SLC45A1: variants seen among roughly 807,000 people sequenced by gnomAD.
The protein encoded by SLC45A1 is solute carrier family 45 member 1.
SLC45A1 carries 28 observed loss-of-function variants against 57.6 expected under a neutral mutation model. The ratio of observed to expected loss-of-function variants is 0.49; its 90% CI spans 0.36 to 0.67. The LOEUF (loss-of-function observed/expected upper bound fraction) is 0.67. SLC45A1 is among the 30% of genes least tolerant of loss of function. SLC45A1 has a pLI of 0.00. For missense variants in SLC45A1, 814 were observed against 1,041.5 expected (o/e 0.78, Z 3.01); for synonymous variants, 459 against 471.5 (o/e 0.97, Z 0.34).
chr1:8,340,520 C>A (rs1640776931), intron 8 of SLC45A1, among the ~76,000 whole-genome samples: 1 of 152,204 alleles, frequency 6.6e-6, no homozygotes, highest in Non-Finnish European at 1.5e-5. Flanking sequence ...TGATAGCCAG[C>A]TCAGCTCCTG....
In SLC45A1 at chr1:8,325,863, G is replaced by A. The variant is rs769728647; in HGVS notation, c.536G>A (p.Gly179Asp). ...CTCTTGCTGAATGGCCGGGACATTG[G>A]CATCGCCCTGGCTGACGTGACCGGG... ...LSLLLNGRDI[G>D]IALADVTGNH... Residue 179 changes from glycine to aspartate, a missense_variant, in exon 4 of 9, where the codon GGC becomes GAC. Transcript: ENST00000471889. This position sits in a 1 kb window ranked among gnomAD's most constrained non-coding sequence, Gnocchi z 6.3. The A allele has an allele frequency of 1.3e-5, 21 of 1,613,946 alleles. No individual in the cohort carries two copies. The highest frequency in any genetic ancestry group is 1.8e-5 in the Non-Finnish European group (21 of 1,180,036).
rs572550422 is a variant in SLC45A1 at position 8,338,081 on chromosome 1, C to T, written c.1774+89C>T. 75 of 1,209,680 alleles carry T rather than the reference C, an allele frequency of 6.2e-5. No individual in the cohort carries two copies. In the Middle Eastern group the frequency reaches 1.1e-3, roughly 17 times the overall value. The allele number at this position is 1,209,680 out of a possible 1,614,324, so 74.9% of individuals were successfully genotyped here. On this transcript the variant is annotated intron_variant, in intron 7 of 8. Transcript: ENST00000471889. Reference sequence around the variant, plus strand: ...AAATGAAGGCAGGTTCATGGCCTTACGATTGCAGACACCACATCCCAATTT... The same window carrying T: ...AAATGAAGGCAGGTTCATGGCCTTATGATTGCAGACACCACATCCCAATTT...
At chr1:8,341,739 A>T (rs1640824964) in intron 8 of SLC45A1, among the ~76,000 whole-genome samples, 1 of 151,002 alleles carries the variant, frequency 6.6e-6, no homozygotes, top group Non-Finnish European at 1.5e-5. Context: ...CCTGGCCAAC[A>T]TGACGAAACC....
At chr1:8,320,640 T>G (rs1639975256) in intron 1 of SLC45A1, among the ~76,000 whole-genome samples, 1 of 150,854 alleles carries the variant, frequency 6.6e-6, no homozygotes, top group Admixed American at 6.6e-5. Flanking sequence ...AGACTCTGTC[T>G]GTCTGTCTGT....
chr1:8,334,017 C>A (rs879794406), intron 5 of SLC45A1, among the ~76,000 whole-genome samples: 3 of 152,204 alleles, frequency 2.0e-5, no homozygotes, highest in Non-Finnish European at 4.4e-5. Flanking sequence ...TTGAGGGCAC[C>A]GTCAGCCTCA....
At position 8,339,629 on chromosome 1, in the gene SLC45A1, C is replaced by A. The variant is rs371019543; in HGVS notation, c.1911C>A (p.Tyr637Ter). The A allele has an allele frequency of 1.2e-6, 2 of 1,614,250 alleles. No homozygotes were observed. The highest frequency in any genetic ancestry group is 2.7e-5 in the African/African-American group (2 of 75,062). Residue 637 changes from tyrosine (Y) to a stop codon, truncating the protein, a stop_gained, in exon 8 of 9, where the codon TAC becomes TAA. Coordinates refer to ENST00000471889, the MANE Select transcript of SLC45A1 (RefSeq NM_001080397.3). LOFTEE classifies it high-confidence loss of function. Reference protein sequence around the residue: ...LYVVLSLCITYGILFSTLCTL... With the variant: ...LYVVLSLCIT Reference sequence around the variant, plus strand: ...TGGTCCTGTCGCTCTGCATAACCTACGGGATTTTATTTTCCACCCTGTGCA... The same window carrying A: ...TGGTCCTGTCGCTCTGCATAACCTAAGGGATTTTATTTTCCACCCTGTGCA...
At position 8,335,493 on chromosome 1, in the gene SLC45A1, C is replaced by T. The variant is rs775328773; in HGVS notation, c.1500C>T (p.Ser500=). The T allele has an allele frequency of 1.9e-5, 31 of 1,602,412 alleles. No individual in the cohort carries two copies. The highest frequency in any genetic ancestry group is 1.7e-4 in the Middle Eastern group (1 of 6,054). Residue 500 remains serine, a synonymous_variant, in exon 6 of 9, where the codon AGC becomes AGT. Coordinates refer to ENST00000471889, the MANE Select transcript of SLC45A1 (RefSeq NM_001080397.3). This position sits in a 1 kb window ranked among gnomAD's most constrained non-coding sequence, Gnocchi z 4.1. ...ATGAGAGCGAGCTGACGGGCTCCAG[C>T]GAGCGCGCGGAGCAGCCTCTGTCCG... The part of the protein sequence containing the change: ...VKYESELTGS[S]ERAEQPLSVG...
intron 7 of SLC45A1, among the ~76,000 whole-genome samples, chr1:8,338,644 C>A (rs934404441): frequency 6.6e-6 from 1 of 152,226 alleles, no homozygotes; most frequent in Non-Finnish European, 1.5e-5. Flanking sequence ...AGCCCCTCAC[C>A]GAAAGCCACA....
chr1:8,324,518 C>A lies in SLC45A1; in HGVS notation c.189C>A (p.Pro63=). The part of the protein sequence containing the change: ...RKCIRPSPPP[P]PNTPCPLELV... Reference sequence around the variant, plus strand: ...GCATTCGTCCCTCCCCACCCCCGCCCCCCAACACCCCGTGCCCGCTTGAGC... The same window carrying A: ...GCATTCGTCCCTCCCCACCCCCGCCACCCAACACCCCGTGCCCGCTTGAGC... Residue 63 remains proline (P), a synonymous_variant, in exon 2 of 9, where the codon CCC becomes CCA. Coordinates refer to ENST00000471889, the MANE Select transcript of SLC45A1 (RefSeq NM_001080397.3). 6.2e-7 allele frequency: 1 copy of A among 1,612,028 alleles called. No homozygotes were observed. The highest frequency in any genetic ancestry group is 8.5e-7 in the Non-Finnish European group (1 of 1,179,490).
intron 6 of SLC45A1, among the ~76,000 whole-genome samples, chr1:8,337,047 T>TCA (rs1273754073): frequency 6.6e-6 from 1 of 152,214 alleles, no homozygotes. Flanking sequence ...TAGTCTGTTC[T>TCA]CACGCTGCTA....
chr1:8,326,030 G>A lies in SLC45A1; in HGVS notation c.703G>A (p.Ala235Thr), dbSNP rs746345115. ...ADQDRGLNIH[A>T]LLAGLGGGFG... ...CCAGGACCGAGGCCTGAACATCCACGCCCTCCTGGCAGGTGAGTCTCCGCA... is the reference window on the plus strand; with the variant it reads ...CCAGGACCGAGGCCTGAACATCCACACCCTCCTGGCAGGTGAGTCTCCGCA... The change falls in exon 4 of 9, where the codon GCC becomes ACC. Residue 235 changes from alanine to threonine, a missense_variant. By Grantham distance (58) the Ala-to-Thr change is moderately conservative. Coordinates refer to ENST00000471889, the MANE Select transcript of SLC45A1 (RefSeq NM_001080397.3). The surrounding 1 kb of genome is among the most constrained non-coding windows in gnomAD (Gnocchi z 5.5). 1.2e-5 allele frequency: 19 copies of A among 1,602,626 alleles called. No homozygotes were observed. In the South Asian group the frequency reaches 1.2e-4, roughly 10 times the overall value.
intron 7 of SLC45A1, among the ~76,000 whole-genome samples, chr1:8,338,577 C>T (rs746483712): frequency 2.6e-5 from 4 of 152,196 alleles, no homozygotes; most frequent in South Asian, 2.1e-4. Context: ...ATACTTTTTT[C>T]GCAAAAGGCC....
rs1414208664 is a variant in SLC45A1 at position 8,330,860 on chromosome 1, C to A, written c.1367C>A (p.Thr456Asn). 6.2e-7 allele frequency: 1 copy of A among 1,611,766 alleles called. No individual in the cohort carries two copies. Among genetic ancestry groups the A allele is most frequent in the Non-Finnish European group, 8.5e-7 (1 of 1,178,716 alleles). Residue 456 changes from threonine to asparagine, a missense_variant, in exon 5 of 9, where the codon ACC (threonine) becomes AAC (asparagine). Coordinates refer to ENST00000471889, the MANE Select transcript of SLC45A1 (RefSeq NM_001080397.3). The surrounding 1 kb of genome is among the most constrained non-coding windows in gnomAD (Gnocchi z 8.4). ...RSSGILKRPQ[T>N]LAIPDAAGGG... ...TCAGGGATTCTGAAGAGACCTCAGA[C>A]CTTGGCCATCCCGGACGCAGCCGGA...
chr1:8,336,493 A>G (rs375123639), intron 6 of SLC45A1, among the ~76,000 whole-genome samples: 88 of 152,180 alleles, frequency 5.8e-4, no homozygotes, highest in African/African-American at 2.0e-3. Flanking sequence ...CTAGAAGGCA[A>G]TTTTGTAATG....
chr1:8,334,975 T>C (rs1640559375), intron 5 of SLC45A1, among the ~76,000 whole-genome samples: 1 of 152,154 alleles, frequency 6.6e-6, no homozygotes, highest in Non-Finnish European at 1.5e-5. Context: ...GGCCGCCCTG[T>C]CTTCTGTGTG....
rs967788669 is a variant in SLC45A1 at position 8,337,763 on chromosome 1, G to A, written c.1598-53G>A. On this transcript the variant is annotated intron_variant, in intron 6 of 8. Transcript: ENST00000471889. ...GTAGACGCATGTTGGTTAGAGAAAG[G>A]GCAGAGTGTTGGCCTTTGCCCCCGA... 8.6e-5 allele frequency: 132 copies of A among 1,534,176 alleles called. No individual in the cohort carries two copies. In the African/African-American group the frequency reaches 1.7e-3, roughly 20 times the overall value.
In SLC45A1 at chr1:8,327,753, G is replaced by C. The variant is rs149675091; in HGVS notation, c.715+1711G>C. Among the ~76,000 whole-genome samples, 50 of 152,320 alleles carry C rather than the reference G, an allele frequency of 3.3e-4. No individual in the cohort carries two copies. The East Asian group carries it at 9.3e-3, about 28-fold the overall frequency. On this transcript the variant is annotated intron_variant, in intron 4 of 8. Coordinates refer to ENST00000471889, the MANE Select transcript of SLC45A1 (RefSeq NM_001080397.3). This position sits in a 1 kb window ranked among gnomAD's most constrained non-coding sequence, Gnocchi z 4.3. ...TCCATTTAAAATAGCAACTGGGGCT[G>C]GGCGTGGTGGCTCATGCCTGTAACC...
chr1:8,330,374 G>A lies in SLC45A1; in HGVS notation c.881G>A (p.Arg294Gln), dbSNP rs541795994. The change falls in exon 5 of 9, where the codon CGG (arginine) becomes CAG (glutamine). Residue 294 changes from arginine (R) to glutamine (Q), a missense_variant. Physicochemically the swap from Arg to Gln is conservative, Grantham distance 43. Transcript: ENST00000471889. This position sits in a 1 kb window ranked among gnomAD's most constrained non-coding sequence, Gnocchi z 8.4. ...GTCAGCATCCCTGAGAGGCCGCTGC[G>A]GCCGCCGAGTGAGAAGCGGGCAGCC... Reference protein sequence around the residue: ...TLVSIPERPLRPPSEKRAAMK... With the variant: ...TLVSIPERPLQPPSEKRAAMK... 21 of 1,612,958 alleles carry A rather than the reference G, an allele frequency of 1.3e-5. No individual in the cohort carries two copies. Among genetic ancestry groups the A allele is most frequent in the South Asian group, 5.5e-5 (5 of 91,070 alleles).
chr1:8,330,777 C>T lies in SLC45A1; in HGVS notation c.1284C>T (p.Ser428=), dbSNP rs149921947. 2.1e-4 allele frequency: 343 copies of T among 1,613,462 alleles called. No individual in the cohort carries two copies. In the African/African-American group the frequency reaches 3.4e-3, roughly 16 times the overall value. Residue 428 remains serine (S), a synonymous_variant, in exon 5 of 9, where the codon TCC becomes TCT. Transcript: ENST00000471889. This position sits in a 1 kb window ranked among gnomAD's most constrained non-coding sequence, Gnocchi z 8.4. ...AGGGCAGAGAGGGTGCCCTGACCTCCGGCTGTGACGGGGACATTCTGAGGG... is the reference window on the plus strand; with the variant it reads ...AGGGCAGAGAGGGTGCCCTGACCTCTGGCTGTGACGGGGACATTCTGAGGG... ...LLEGREGALT[S]GCDGDILRVG...
Sources: allele counts gnomAD v4.1 joint callset (sites outside exome capture counted in the v4.1 genomes callset), GRCh38; gene constraint gnomAD v4.1.1; non-coding constraint Gnocchi (gnomAD v3.1); transcripts MANE v1.5; gene names NCBI Gene and HGNC (gene_info 2026-07-23, HGNC 2026-07-21).